Variants in ADPRM observed in about 807,000 individuals in gnomAD.
The protein encoded by ADPRM is ADP-ribose/CDP-alcohol diphosphatase, manganese dependent.
Under a neutral mutation model 27.2 loss-of-function variants are expected in ADPRM, and 17 were observed. That is an observed-to-expected ratio of 0.63 (90% CI 0.43 to 0.94). The LOEUF (loss-of-function observed/expected upper bound fraction) is 0.94, where lower values mean the gene tolerates loss of function less well. ADPRM is among the 40% of genes least tolerant of loss of function. The pLI, the probability that ADPRM is intolerant of heterozygous loss-of-function variation, is 0.00. For missense variants in ADPRM, 337 were observed against 412.8 expected (o/e 0.82, Z 1.59); for synonymous variants, 135 against 145.3 (o/e 0.93, Z 0.51).
chr17:10,705,472 G>C lies in ADPRM; in HGVS notation c.546G>C (p.Gln182His). ...ATCAGTCTTCTCCAAAATACGAGCA[G>C]TGTATGAAGATATTGAGGGAGCACA... ...GVDQSSPKYE[Q>H]CMKILREHNP... Residue 182 changes from glutamine (Q) to histidine (H), a missense_variant, in exon 2 of 4, where the codon CAG becomes CAC. Physicochemically the swap from Gln to His is conservative, Grantham distance 24. Transcript: ENST00000379774. This position sits in a 1 kb window ranked among gnomAD's most constrained non-coding sequence, Gnocchi z 5.4. The C allele has an allele frequency of 6.2e-7, 1 of 1,613,974 alleles. No homozygotes were observed.
At position 10,697,961 on chromosome 17, in the gene ADPRM, A is replaced by G. The variant is rs554085556; in HGVS notation, c.-18+294A>G. On this transcript the variant is annotated intron_variant, in intron 1 of 3. Transcript: ENST00000379774. Reference sequence around the variant, plus strand: ...CTACCTTGTCTGGCCGACTTTGTCAACCTCGTCCTGCCGGCCAAGAGGAAG... The same window carrying G: ...CTACCTTGTCTGGCCGACTTTGTCAGCCTCGTCCTGCCGGCCAAGAGGAAG... 9 of 172,166 alleles carry G rather than the reference A, an allele frequency of 5.2e-5. No individual in the cohort carries two copies. In the East Asian group the frequency reaches 8.9e-4, roughly 17 times the overall value. The allele number at this position is 172,166 out of a possible 1,614,324, so 10.7% of individuals were successfully genotyped here. A position where few individuals can be genotyped will look rare whatever the true frequency, so the allele number is the denominator to read the frequency against.
At chr17:10,707,042 T>C (rs2074817545) in intron 3 of ADPRM, among the ~76,000 whole-genome samples, 1 of 152,146 alleles carries the variant, frequency 6.6e-6, no homozygotes, top group South Asian at 2.1e-4. Flanking sequence ...CTAAGTTTCT[T>C]TTGTTTTTTG....
chr17:10,703,049 TCTTAATGGTTAATATAAC>T (rs1262373342), intron 1 of ADPRM, among the ~76,000 whole-genome samples: 2 of 152,172 alleles, frequency 1.3e-5, no homozygotes, highest in Non-Finnish European at 2.9e-5. Flanking sequence ...TTAATATAAC[TCTTAATGGTTAATATAAC>T]CTTAATGGTT....
In ADPRM at chr17:10,705,213, T is replaced by TG; in HGVS notation, c.288dup (p.Phe97ValfsTer5). 1 of 1,614,118 alleles carries TG rather than the reference T, an allele frequency of 6.2e-7. No individual in the cohort carries two copies. Among genetic ancestry groups the TG allele is most frequent in the South Asian group, 1.1e-5 (1 of 91,078 alleles). On this transcript the variant is annotated frameshift_variant, in exon 2 of 4. Transcript: ENST00000379774. LOFTEE classifies it high-confidence loss of function. The surrounding 1 kb of genome is among the most constrained non-coding windows in gnomAD (Gnocchi z 5.4). ...AAGTCCCTAGAACTTGTTATGGACA[T>TG]GTTCAAGAGGCTTAAAGTTCCAGTT...
chr17:10,709,856 C>T (rs573149709), intron 3 of ADPRM, among the ~76,000 whole-genome samples: 7 of 152,250 alleles, frequency 4.6e-5, no homozygotes, highest in East Asian at 1.9e-4. Flanking sequence ...GAGTGAGAAC[C>T]GTGGCTTGAT....
At chr17:10,701,271 A>G (rs556379932) in intron 1 of ADPRM, among the ~76,000 whole-genome samples, 118 of 152,234 alleles carry the variant, frequency 7.8e-4, no homozygotes, top group Non-Finnish European at 1.2e-3. Flanking sequence ...TAGGTCTTCT[A>G]ATTTTTCCAG....
chr17:10,705,468 A>G lies in ADPRM; in HGVS notation c.542A>G (p.Glu181Gly). Residue 181 changes from glutamate (E) to glycine (G), a missense_variant, in exon 2 of 4, where the codon GAG becomes GGG. Physicochemically the swap from Glu to Gly is moderately conservative, Grantham distance 98 (BLOSUM62 -2). Coordinates refer to ENST00000379774, the MANE Select transcript of ADPRM (RefSeq NM_020233.5). This position sits in a 1 kb window ranked among gnomAD's most constrained non-coding sequence, Gnocchi z 5.4. ...LGVDQSSPKY[E>G]QCMKILREHN... ...GTGGATCAGTCTTCTCCAAAATACG[A>G]GCAGTGTATGAAGATATTGAGGGAG... 6.2e-7 allele frequency: 1 copy of G among 1,614,050 alleles called. No homozygotes were observed. The highest frequency in any genetic ancestry group is 8.5e-7 in the Non-Finnish European group (1 of 1,180,024).
At chr17:10,700,320 A>C (rs769793677) in intron 1 of ADPRM, among the ~76,000 whole-genome samples, 4 of 152,222 alleles carry the variant, frequency 2.6e-5, no homozygotes, top group Admixed American at 6.5e-5. Context: ...GCCAATCTTA[A>C]GTATTGGAAA....
chr17:10,699,191 C>T (rs1391605468), intron 1 of ADPRM: 1 of 152,152 alleles, frequency 6.6e-6, no homozygotes, highest in Non-Finnish European at 1.5e-5. Context: ...GTCACTGGAG[C>T]CTAGGAGTTT....
intron 1 of ADPRM, chr17:10,699,325 A>G (rs1009940020): frequency 5.9e-5 from 9 of 152,098 alleles, no homozygotes; most frequent in Non-Finnish European, 1.0e-4. Context: ...TAGGTGTTTT[A>G]TAACTGCATT....
At chr17:10,701,418 C>T (rs1309877713) in intron 1 of ADPRM, among the ~76,000 whole-genome samples, 2 of 152,032 alleles carry the variant, frequency 1.3e-5, no homozygotes, top group Admixed American at 6.6e-5. Context: ...GCAAGCTCCG[C>T]CTCCCAGGTT....
chr17:10,711,300 G>T lies in ADPRM; in HGVS notation c.*156G>T. 1 of 679,356 alleles carries T rather than the reference G, an allele frequency of 1.5e-6. No homozygotes were observed. Among genetic ancestry groups the T allele is most frequent in the East Asian group, 2.8e-5 (1 of 36,124 alleles). The allele number at this position is 679,356 out of a possible 1,614,324, so 42.1% of individuals were successfully genotyped here. On this transcript the variant is annotated 3_prime_UTR_variant, in exon 4 of 4. Transcript: ENST00000379774. Reference sequence around the variant, plus strand: ...GATGGTTGATAAAATACTCAGAAATGTTATTTTGGATCATGTATCCATTGT... The same window carrying T: ...GATGGTTGATAAAATACTCAGAAATTTTATTTTGGATCATGTATCCATTGT...
chr17:10,708,649 T>C (rs1409804057), intron 3 of ADPRM, among the ~76,000 whole-genome samples: 1 of 152,180 alleles, frequency 6.6e-6, no homozygotes, highest in African/African-American at 2.4e-5. Context: ...GTTGGAATGA[T>C]GTGACACCTT....
At chr17:10,709,186 A>C (rs1342377156) in intron 3 of ADPRM, among the ~76,000 whole-genome samples, 4 of 152,184 alleles carry the variant, frequency 2.6e-5, no homozygotes, top group African/African-American at 9.7e-5. Flanking sequence ...TAGCTGAGAT[A>C]GGGGACACTG....
At chr17:10,699,501 A>G (rs148057966) in intron 1 of ADPRM, among the ~76,000 whole-genome samples, 21 of 142,556 alleles carry the variant, frequency 1.5e-4, no homozygotes, top group Admixed American at 2.1e-4. Flanking sequence ...TCCAAGTTAG[A>G]TATTTTTCTT....
intron 1 of ADPRM, among the ~76,000 whole-genome samples, chr17:10,701,259 C>T (rs148770873): frequency 0.013 from 2,035 of 152,140 alleles, 28 homozygotes; most frequent in Non-Finnish European, 0.019. Flanking sequence ...GAAATATTTC[C>T]TTAGGTCTTC....
chr17:10,698,849 G>C (rs2074754357), intron 1 of ADPRM, among the ~76,000 whole-genome samples: 1 of 152,016 alleles, frequency 6.6e-6, no homozygotes, highest in Admixed American at 6.5e-5. Context: ...TTTTATCTTT[G>C]TGTATTTGTT....
intron 3 of ADPRM, 29 bp downstream of exon 3, chr17:10,706,583 A>G: frequency 6.9e-7 from 1 of 1,451,494 alleles, no homozygotes; most frequent in Non-Finnish European, 9.3e-7. Flanking sequence ...TGATTACACT[A>G]ACATTTTAGA....
intron 2 of ADPRM, among the ~76,000 whole-genome samples, chr17:10,706,079 C>T (rs192078934): frequency 4.1e-4 from 63 of 152,232 alleles, no homozygotes; most frequent in Non-Finnish European, 8.1e-4. Context: ...CCTGCAAAGG[C>T]ACTAAATGGA....
Sources: allele counts gnomAD v4.1 joint callset (sites outside exome capture counted in the v4.1 genomes callset), GRCh38; gene constraint gnomAD v4.1.1; non-coding constraint Gnocchi (gnomAD v3.1); transcripts MANE v1.5; gene names NCBI Gene and HGNC (gene_info 2026-07-23, HGNC 2026-07-21).